Variants in LUZP2 observed in about 807,000 individuals in gnomAD.
LUZP2 encodes leucine zipper protein 2.
Under a neutral mutation model 51.6 loss-of-function variants are expected in LUZP2, and 52 were observed. The observed-to-expected ratio is 1.01, with a 90% confidence interval of 0.81 to 1.27. The LOEUF is 1.27. Among genes scored for constraint, LUZP2 ranks in the 50% most tolerant of loss-of-function variants. The probability of loss-of-function intolerance (pLI) is 0.00; values close to 1 mark genes in which losing one functional copy is unlikely to be tolerated. For missense variants in LUZP2, 436 were observed against 395.4 expected (o/e 1.10, Z -0.87); for synonymous variants, 154 against 137.3 (o/e 1.12, Z -0.85).
chr11:24,779,371 A>T (rs188621956), intron 5 of LUZP2, among the ~76,000 whole-genome samples: 123 of 152,298 alleles, frequency 8.1e-4, no homozygotes, highest in African/African-American at 2.2e-3. Flanking sequence ...ATAGTTTGCA[A>T]AAATCTGTGT....
At chr11:24,608,543 CATAAG>C (rs752577294) in intron 1 of LUZP2, among the ~76,000 whole-genome samples, 2 of 152,022 alleles carry the variant, frequency 1.3e-5, no homozygotes, top group Non-Finnish European at 1.5e-5. Flanking sequence ...TTTTGAAAGA[CATAAG>C]AGAAGTAAGA....
intron 5 of LUZP2, among the ~76,000 whole-genome samples, chr11:24,774,362 C>CTCTCTCTCTCTCTCTATATATATA (rs776739280): frequency 9.2e-5 from 7 of 76,344 alleles, no homozygotes; most frequent in East Asian, 9.6e-4. Context: ...CTCTCTCTCT[C>CTCTCTCTCTCTCTCTATATATATA]TATATATATA....
At chr11:24,886,980 C>G (rs75157260) in intron 5 of LUZP2, among the ~76,000 whole-genome samples, 1 of 152,058 alleles carries the variant, frequency 6.6e-6, no homozygotes, top group Non-Finnish European at 1.5e-5. Flanking sequence ...ACTTCTTTTA[C>G]CTGGTGAATG....
At chr11:24,788,180 A>ATTTTTTTTTTTTTTTTTTTTTTT (rs61308017) in intron 5 of LUZP2, among the ~76,000 whole-genome samples, 4 of 83,398 alleles carry the variant, frequency 4.8e-5, no homozygotes, top group African/African-American at 8.8e-5. Flanking sequence ...TTTGTTTTTA[A>ATTTTTTTTTTTTTTTTTTTTTTT]TTTTTTTTTT....
chr11:25,042,805 CTCT>C (rs2134008924), intron 9 of LUZP2, among the ~76,000 whole-genome samples: 1 of 152,230 alleles, frequency 6.6e-6, no homozygotes, highest in South Asian at 2.1e-4. Flanking sequence ...TGAAATCTCC[CTCT>C]TCTTCTATCT....
intron 5 of LUZP2, among the ~76,000 whole-genome samples, chr11:24,850,769 ATTTG>A (rs1851367662): frequency 6.6e-6 from 1 of 152,030 alleles, no homozygotes; most frequent in African/African-American, 2.4e-5. Context: ...ATATTTTTCC[ATTTG>A]TTTGTGTCCT....
At chr11:24,578,822 C>T (rs1852751360) in intron 1 of LUZP2, among the ~76,000 whole-genome samples, 1 of 152,078 alleles carries the variant, frequency 6.6e-6, no homozygotes, top group Non-Finnish European at 1.5e-5. Flanking sequence ...CTATTGGGTA[C>T]TATGCTCAGT....
intron 1 of LUZP2, among the ~76,000 whole-genome samples, chr11:24,637,018 G>A (rs1009355846): frequency 6.6e-6 from 1 of 151,482 alleles, no homozygotes; most frequent in Non-Finnish European, 1.5e-5. Context: ...AGCTAAAAAT[G>A]TTGATTAACA....
intron 5 of LUZP2, among the ~76,000 whole-genome samples, chr11:24,781,205 G>T (rs1467530675): frequency 6.6e-6 from 1 of 152,040 alleles, no homozygotes; most frequent in Non-Finnish European, 1.5e-5. Flanking sequence ...ATGCAGGTTT[G>T]TTACATAGGT....
chr11:24,574,251 TCTTTCTTTCTTG>T (rs1286768401), intron 1 of LUZP2, among the ~76,000 whole-genome samples: 4 of 6,182 alleles, frequency 6.5e-4, no homozygotes, highest in African/African-American at 9.3e-4. Flanking sequence ...TTTCTTTCTT[TCTTTCTTTCTTG>T]CTTTCTTTCT....
intron 1 of LUZP2, among the ~76,000 whole-genome samples, chr11:24,615,789 G>T (rs182449091): frequency 6.6e-6 from 1 of 151,276 alleles, no homozygotes; most frequent in African/African-American, 2.4e-5. Flanking sequence ...CCCAGCTTCT[G>T]CACATCTTTG....
chr11:24,714,266 AACC>A (rs1857952447), intron 1 of LUZP2, among the ~76,000 whole-genome samples: 1 of 152,048 alleles, frequency 6.6e-6, no homozygotes, highest in Admixed American at 6.6e-5. Flanking sequence ...CTATGTAACA[AACC>A]TGCATGTTCT....
chr11:25,015,921 C>CT (rs1857138435), intron 9 of LUZP2, among the ~76,000 whole-genome samples: 1 of 129,104 alleles, frequency 7.7e-6, no homozygotes, highest in African/African-American at 3.5e-5. Context: ...GTATTTTTTA[C>CT]TTATTTATTT....
chr11:24,529,461 AG>A (rs1420748177), intron 1 of LUZP2, among the ~76,000 whole-genome samples: 9 of 151,058 alleles, frequency 6.0e-5, no homozygotes. Context: ...AAAATCTGTA[AG>A]TAGGGATTTC....
chr11:24,567,945 T>C (rs891500698), intron 1 of LUZP2, among the ~76,000 whole-genome samples: 14 of 152,102 alleles, frequency 9.2e-5, no homozygotes, highest in Non-Finnish European at 5.9e-5. Context: ...TATTTACATA[T>C]TTTCTTCTTT....
At chr11:24,837,873 G>A (rs750590115) in intron 5 of LUZP2, among the ~76,000 whole-genome samples, 2 of 151,486 alleles carry the variant, frequency 1.3e-5, no homozygotes, top group Non-Finnish European at 3.0e-5. Flanking sequence ...GAATGAGTTG[G>A]ATCTTCACAA....
At chr11:24,856,788 C>A (rs1851580450) in intron 5 of LUZP2, among the ~76,000 whole-genome samples, 2 of 152,114 alleles carry the variant, frequency 1.3e-5, no homozygotes, top group South Asian at 2.1e-4. Context: ...ATGTCTTTTG[C>A]AGCAACATTA....
chr11:24,938,365 T>A (rs2069901103), intron 7 of LUZP2, among the ~76,000 whole-genome samples: 1 of 152,160 alleles, frequency 6.6e-6, no homozygotes, highest in Non-Finnish European at 1.5e-5. Flanking sequence ...AAGAGTACAT[T>A]GTCCTTTTCA....
chr11:24,747,485 A>T (rs978632393), intron 4 of LUZP2, among the ~76,000 whole-genome samples: 5 of 152,016 alleles, frequency 3.3e-5, no homozygotes, highest in Admixed American at 2.6e-4. Context: ...GAGGGTTCTT[A>T]GCTCTGGTGG....
Sources: gnomAD v4.1 joint callset for allele counts (sites outside exome capture counted in the v4.1 genomes callset) on GRCh38, gnomAD v4.1.1 for gene constraint, MANE v1.5 for transcripts, NCBI Gene and HGNC (gene_info 2026-07-23, HGNC 2026-07-21) for gene names.